Variants in ASAP1 observed in about 807,000 individuals in gnomAD.
ASAP1 encodes ArfGAP with SH3 domain, ankyrin repeat and PH domain 1.
Under a neutral mutation model 145.2 loss-of-function variants are expected in ASAP1, and 43 were observed. The ratio of observed to expected loss-of-function variants is 0.30; its 90% CI spans 0.23 to 0.38. The LOEUF (loss-of-function observed/expected upper bound fraction) is 0.38, where lower values mean the gene tolerates loss of function less well. Among genes scored for constraint, ASAP1 ranks in the 10% least tolerant of loss-of-function variants. The probability of loss-of-function intolerance (pLI) is 1.00; values close to 1 mark genes in which losing one functional copy is unlikely to be tolerated. For synonymous variants in ASAP1, 546 were observed against 515.5 expected (o/e 1.06, Z -0.80); for missense variants, 1,018 against 1,355.3 (o/e 0.75, Z 3.91).
At chr8:130,092,596 C>T (rs1012873412) in intron 24 of ASAP1, among the ~76,000 whole-genome samples, 2 of 152,164 alleles carry the variant, frequency 1.3e-5, no homozygotes, top group South Asian at 4.1e-4. Context: ...CACTGCGCTC[C>T]AGCCTAGGCA....
Position 130,318,107 on chromosome 8 carries a change from C to A in ASAP1, c.186+39910G>T, listed in dbSNP as rs528494401. Among the ~76,000 whole-genome samples the A allele has an allele frequency of 2.0e-5, 3 of 152,214 alleles. No individual in the cohort carries two copies. In the East Asian group the frequency reaches 5.8e-4, roughly 29 times the overall value. ...CCAGATGTTGTTTTTTATTTTTATT[C>A]TTTCCTGAGAGAGGGTCTCACTGTA... On this transcript the variant is annotated intron_variant, in intron 3 of 29. Transcript: ENST00000518721.
At chr8:130,242,019 T>C (rs1029473345) in intron 3 of ASAP1, among the ~76,000 whole-genome samples, 4 of 152,004 alleles carry the variant, frequency 2.6e-5, no homozygotes, top group Admixed American at 6.6e-5. Flanking sequence ...AATATTAGCA[T>C]AGAACTTCCT....
intron 5 of ASAP1, among the ~76,000 whole-genome samples, chr8:130,194,557 G>A (rs1409782683): frequency 6.6e-6 from 1 of 152,122 alleles, no homozygotes. Context: ...TATATTAGCA[G>A]TCCCCAACCT....
At chr8:130,214,983 C>A (rs1369066207) in intron 4 of ASAP1, among the ~76,000 whole-genome samples, 1 of 152,034 alleles carries the variant, frequency 6.6e-6, no homozygotes, top group Admixed American at 6.5e-5. Flanking sequence ...TCACTGCACC[C>A]TCCGCCTCCC....
At chr8:130,240,221 G>C (rs946139361) in intron 3 of ASAP1, among the ~76,000 whole-genome samples, 1 of 152,088 alleles carries the variant, frequency 6.6e-6, no homozygotes, top group South Asian at 2.1e-4. Context: ...CTGGTAGGGT[G>C]TAAAGTTCAT....
intron 24 of ASAP1, among the ~76,000 whole-genome samples, chr8:130,098,932 G>A (rs924319554): frequency 2.1e-4 from 31 of 150,228 alleles, no homozygotes; most frequent in African/African-American, 7.1e-4. Flanking sequence ...CTCATCCTCC[G>A]CTCAACCCCT....
chr8:130,436,268 G>C (rs1157395812), intron 1 of ASAP1, among the ~76,000 whole-genome samples: 1 of 152,144 alleles, frequency 6.6e-6, no homozygotes, highest in African/African-American at 2.4e-5. Flanking sequence ...ACTTTGGAAG[G>C]CTGAGACAGG....
At chr8:130,059,738 T>C (rs1592709732) in intron 28 of ASAP1, among the ~76,000 whole-genome samples, 2 of 152,244 alleles carry the variant, frequency 1.3e-5, no homozygotes, top group Middle Eastern at 3.4e-3. Context: ...TATCGAGAGC[T>C]TTATCTCCAA....
intron 2 of ASAP1, among the ~76,000 whole-genome samples, chr8:130,378,170 A>T (rs76887420): frequency 0.015 from 2,300 of 152,356 alleles, 61 homozygotes; most frequent in African/African-American, 0.051. Flanking sequence ...TATGCGGTTA[A>T]TAGTAGTGCC....
intron 15 of ASAP1, among the ~76,000 whole-genome samples, chr8:130,131,087 G>A (rs755129770): frequency 1.1e-4 from 16 of 151,966 alleles, no homozygotes; most frequent in Non-Finnish European, 1.8e-4. Context: ...AACCCGGGAG[G>A]CATAGGTTGC....
intron 1 of ASAP1, among the ~76,000 whole-genome samples, chr8:130,403,556 T>TTC (rs1481352934): frequency 5.1e-5 from 7 of 138,542 alleles, no homozygotes; most frequent in African/African-American, 1.4e-4. Context: ...TTCTTTTTCT[T>TTC]TTTTTTTTTT....
At chr8:130,425,784 TG>T (rs1348748510) in intron 1 of ASAP1, among the ~76,000 whole-genome samples, 2 of 152,220 alleles carry the variant, frequency 1.3e-5, no homozygotes, top group Non-Finnish European at 2.9e-5. Context: ...GACACATTCC[TG>T]TTCTAAAGCG....
intron 3 of ASAP1, among the ~76,000 whole-genome samples, chr8:130,309,569 G>A (rs981427183): frequency 1.3e-5 from 2 of 152,174 alleles, no homozygotes; most frequent in Non-Finnish European, 2.9e-5. Context: ...TGACCAGGAC[G>A]GCCTTGTGGG....
chr8:130,229,933 G>C (rs1817808222), intron 4 of ASAP1, among the ~76,000 whole-genome samples: 1 of 152,022 alleles, frequency 6.6e-6, no homozygotes, highest in Admixed American at 6.6e-5. Flanking sequence ...ATGGTGGCAT[G>C]CAACTGTGGT....
Position 130,118,218 on chromosome 8 carries a change from G to A in ASAP1, c.1823C>T (p.Ala608Val). 6.2e-7 allele frequency: 1 copy of A among 1,613,932 alleles called. No homozygotes were observed. The highest frequency in any genetic ancestry group is 8.5e-7 in the Non-Finnish European group (1 of 1,179,878). The change falls in exon 20 of 30, where the codon GCC becomes GTC. Residue 608 changes from alanine (A) to valine (V), a missense_variant. By Grantham distance (64) the Ala-to-Val change is moderately conservative. This residue lies in a region of ASAP1 where 353 missense variants were observed against 375.4 expected (regional missense o/e 0.94). Coordinates refer to ENST00000518721, the MANE Select transcript of ASAP1 (RefSeq NM_018482.4). ...QELGETALHL[A>V]VRTADQTSLH... is the part of the protein sequence containing the mutation. ...AGATGTCTGATCTGCAGTTCGGACGGCAAGGTGAAGGGCTGTCTCCCCAAG... is the reference window on the plus strand; with the variant it reads ...AGATGTCTGATCTGCAGTTCGGACGACAAGGTGAAGGGCTGTCTCCCCAAG...
intron 18 of ASAP1, among the ~76,000 whole-genome samples, chr8:130,122,188 C>G (rs2097567334): frequency 6.6e-6 from 1 of 152,190 alleles, no homozygotes; most frequent in Admixed American, 6.5e-5. Flanking sequence ...GTAATTTCTT[C>G]ATAACACCTA....
intron 3 of ASAP1, among the ~76,000 whole-genome samples, chr8:130,255,913 G>T (rs1039801447): frequency 6.6e-6 from 1 of 152,214 alleles, no homozygotes; most frequent in East Asian, 1.9e-4. Context: ...AGGGTCCAAT[G>T]GCTAATATGG....
intron 5 of ASAP1, chr8:130,195,520 CCTGT>C (rs1327638957): frequency 2.0e-5 from 3 of 151,820 alleles, no homozygotes; most frequent in African/African-American, 7.3e-5. Flanking sequence ...AGAGTGTGAC[CCTGT>C]CTCTTAAAAA....
intron 3 of ASAP1, among the ~76,000 whole-genome samples, 192 bp from the exon 4 acceptor site, chr8:130,237,186 G>A (rs1565122103): frequency 6.6e-6 from 1 of 152,090 alleles, no homozygotes; most frequent in South Asian, 2.1e-4. Flanking sequence ...CCGGAGAAGT[G>A]CAGTCATTCC....
Sources: allele counts gnomAD v4.1 joint callset (sites outside exome capture counted in the v4.1 genomes callset), GRCh38; gene constraint gnomAD v4.1.1; regional missense constraint gnomAD v4.1.1; transcripts MANE v1.5; gene names NCBI Gene and HGNC (gene_info 2026-07-23, HGNC 2026-07-21).